The following SYNPO2L variants were observed in gnomAD, a reference collection of about 807,000 sequenced individuals.
SYNPO2L encodes synaptopodin 2-like protein.
A neutral mutation model predicts 47.5 loss-of-function variants in SYNPO2L; 34 were observed. The observed-to-expected ratio is 0.72, with a 90% CI of 0.54 to 0.95. The LOEUF (loss-of-function observed/expected upper bound fraction) is 0.95. Ranked by LOEUF, SYNPO2L falls within the 40% of genes least tolerant of loss-of-function variation. SYNPO2L has a pLI of 0.00. For synonymous variants in SYNPO2L, 536 were observed against 524.9 expected (o/e 1.02, Z -0.29); for missense variants, 1,246 against 1,282.0 (o/e 0.97, Z 0.43).
Position 73,648,343 on chromosome 10 carries a change from G to A in SYNPO2L, c.1309C>T (p.Pro437Ser). Residue 437 changes from proline to serine, a missense_variant, in exon 4 of 4, where the codon CCC (proline) becomes TCC (serine). Transcript: ENST00000394810. The stretch of plus-strand genomic sequence containing the variant: ...GCTACAGGCGCCGGCAAGGGGCTGG[G>A]TGGGAGCACAGCTGCCTCTGGGGGA... The part of the protein sequence containing the change: ...SAPPEAAVLP[P>S]SPLPAPVASP... 1 of 1,605,222 alleles carries A rather than the reference G, an allele frequency of 6.2e-7. No homozygotes were observed. Among genetic ancestry groups the A allele is most frequent in the Non-Finnish European group, 8.5e-7 (1 of 1,178,984 alleles).
Position 73,647,481 on chromosome 10 carries a change from G to C in SYNPO2L, c.2171C>G (p.Pro724Arg). Residue 724 changes from proline to arginine, a missense_variant, in exon 4 of 4, where the codon CCA becomes CGA. By Grantham distance (103) the Pro-to-Arg change is moderately radical. This residue lies in a region of SYNPO2L where 1,037 missense variants were observed against 1,021.5 expected (regional missense o/e 1.02). Coordinates refer to ENST00000394810, the MANE Select transcript of SYNPO2L (RefSeq NM_001114133.3). ...PPPMTPKTPP[P>R]VAPKPPSRGL... ...TCGAGATGGGGGCTTAGGAGCCACT[G>C]GGGGTGGAGTCTTAGGAGTCATAGG... The C allele has an allele frequency of 6.3e-7, 1 of 1,593,004 alleles. No individual in the cohort carries two copies. The highest frequency in any genetic ancestry group is 8.6e-7 in the Non-Finnish European group (1 of 1,167,274).
chr10:73,645,727 G>T lies in SYNPO2L; in HGVS notation c.*991C>A. ...ACCTGCTACAGACATTGGTCTCTAA[G>T]GAGTTATTCTCTAGTGAATCTCTTT... On this transcript the variant is annotated 3_prime_UTR_variant, in exon 4 of 4. Transcript: ENST00000394810. 1.0e-6 allele frequency: 1 copy of T among 985,874 alleles called. No homozygotes were observed. The highest frequency in any genetic ancestry group is 1.2e-6 in the Non-Finnish European group (1 of 830,000). The allele number at this position is 985,874 out of a possible 1,614,324, so 61.1% of individuals were successfully genotyped here. A position where few individuals can be genotyped will look rare whatever the true frequency, so the allele number is the denominator to read the frequency against.
Position 73,653,267 on chromosome 10 carries a change from G to C in SYNPO2L, c.644C>G (p.Ala215Gly). Residue 215 changes from alanine to glycine, a missense_variant, in exon 3 of 4, where the codon GCT (alanine) becomes GGT (glycine). By Grantham distance (60) the Ala-to-Gly change is moderately conservative. Transcript: ENST00000394810. ...GCCATGGGGTAACAGCAGAGCCTCA[G>C]CTGGGGGTGGCTGAAGGGCTGCCCC... is the stretch of plus-strand genomic sequence containing the variant. ...EDGAALQPPP[A>G]EALLLPHGPL... The C allele has an allele frequency of 6.5e-7, 1 of 1,549,244 alleles. No homozygotes were observed. The highest frequency in any genetic ancestry group is 8.7e-7 in the Non-Finnish European group (1 of 1,145,688).
Position 73,655,896 on chromosome 10 carries a change from G to A in SYNPO2L, c.27C>T (p.Val9=), listed in dbSNP as rs371282331. MGAEEEVL[V]TLSGGAPWGF... The stretch of plus-strand genomic sequence containing the variant: ...CCCAGGGGGCTCCCCCTGATAGTGT[G>A]ACCAGCACCTCCTCCTCAGCACCCA... The change falls in exon 1 of 4, where the codon GTC becomes GTT. Residue 9 remains valine, a synonymous_variant. Transcript: ENST00000394810. 1 of 1,551,084 alleles carries A rather than the reference G, an allele frequency of 6.4e-7. No individual in the cohort carries two copies. The highest frequency in any genetic ancestry group is 1.4e-5 in the African/African-American group (1 of 72,840).
At position 73,647,917 on chromosome 10, in the gene SYNPO2L, T is replaced by C; in HGVS notation, c.1735A>G (p.Thr579Ala). Residue 579 changes from threonine (T) to alanine (A), a missense_variant, in exon 4 of 4, where the codon ACC becomes GCC. Thr to Ala is a moderately conservative substitution (Grantham distance 58, BLOSUM62 0). This residue lies in a region of SYNPO2L where 1,037 missense variants were observed against 1,021.5 expected (regional missense o/e 1.02). Transcript: ENST00000394810. ...GGCGCAGATAGGAAGATAGAAGCGGTGGAGGTCATGGCAGCTGCGCTAGGA... is the reference window on the plus strand; with the variant it reads ...GGCGCAGATAGGAAGATAGAAGCGGCGGAGGTCATGGCAGCTGCGCTAGGA... ...APPSAAAMTS[T>A]ASIFLSAPLR... The C allele has an allele frequency of 1.3e-6, 2 of 1,528,080 alleles. No homozygotes were observed. Among genetic ancestry groups the C allele is most frequent in the Non-Finnish European group, 1.8e-6 (2 of 1,141,206 alleles). 94.7% of individuals were successfully genotyped at this position (1,528,080 alleles called of 1,614,324 possible). A position where few individuals can be genotyped will look rare whatever the true frequency, so the allele number is the denominator to read the frequency against.
chr10:73,650,935 G>A, intron 3 of SYNPO2L: 1 of 1,613,772 alleles, frequency 6.2e-7, no homozygotes, highest in East Asian at 2.2e-5. Flanking sequence ...TGGAGCTCAG[G>A]AACTGGGTCT....
Position 73,654,173 on chromosome 10 carries a change from G to A in SYNPO2L, c.213C>T (p.Ser71=), listed in dbSNP as rs754693328. 24 of 1,551,676 alleles carry A rather than the reference G, an allele frequency of 1.5e-5. No homozygotes were observed. Among genetic ancestry groups the A allele is most frequent in the African/African-American group, 1.4e-5 (1 of 73,154 alleles). ...CTNLSHASAM[S]LIDASGNQLV... is the part of the protein sequence containing the mutation. ...GCTGATTTCCTGAGGCATCGATGAG[G>A]CTCATGGCACTGGCATGGGAGAGGT... Residue 71 remains serine (S), a synonymous_variant, in exon 2 of 4, where the codon AGC becomes AGT. Transcript: ENST00000394810.
Position 73,646,856 on chromosome 10 carries a change from TG to T in SYNPO2L, c.2795del (p.Pro932GlnfsTer22). The T allele has an allele frequency of 6.4e-7, 1 of 1,555,710 alleles. No individual in the cohort carries two copies. Among genetic ancestry groups the T allele is most frequent in the Non-Finnish European group, 8.7e-7 (1 of 1,151,184 alleles). Reference protein sequence around the residue: ...TELASAPVPSPAPPPEAPRGL... With the variant: ...TELASAPVPSXAPPPEAPRGL... ...CCCTGGGAGCCTCTGGAGGAGGGGCTGGGCTAGGAACAGGGGCTGAGGCCAG... is the reference window on the plus strand; with the variant it reads ...CCCTGGGAGCCTCTGGAGGAGGGGCTGGCTAGGAACAGGGGCTGAGGCCAG... On this transcript the variant is annotated frameshift_variant, in exon 4 of 4. Coordinates refer to ENST00000394810, the MANE Select transcript of SYNPO2L (RefSeq NM_001114133.3). LOFTEE classifies it high-confidence loss of function.
chr10:73,653,051 A>G, intron 3 of SYNPO2L, 88 bp downstream of exon 3: 1 of 1,395,318 alleles, frequency 7.2e-7, no homozygotes, highest in Non-Finnish European at 9.4e-7. Flanking sequence ...AAGGGTCCCA[A>G]GGTAGGGAGA....
In SYNPO2L at chr10:73,653,341, G is replaced by A; in HGVS notation, c.570C>T (p.Gly190=). 6.4e-7 allele frequency: 1 copy of A among 1,551,572 alleles called. No homozygotes were observed. The highest frequency in any genetic ancestry group is 1.4e-5 in the African/African-American group (1 of 73,180). ...CACGGCTGTCACCCTGGCTGGGAGG[G>A]CCAGGGATAGTAGGTGCTGGCTCTG... The part of the protein sequence containing the change: ...SPAEPAPTIP[G]PPSQGDSRVS... The change falls in exon 3 of 4, where the codon GGC becomes GGT. Residue 190 remains glycine (G), a synonymous_variant. Coordinates refer to ENST00000394810, the MANE Select transcript of SYNPO2L (RefSeq NM_001114133.3).
At position 73,648,050 on chromosome 10, in the gene SYNPO2L, G is replaced by A; in HGVS notation, c.1602C>T (p.Ser534=). ...GVPSHAPVSG[S]PSTPRSSGPV... ...GGCCCGAGGAGCGTGGGGTGCTGGG[G>A]GAACCAGAGACTGGCGCGTGGCTGG... The change falls in exon 4 of 4, where the codon TCC becomes TCT. Residue 534 remains serine (S), a synonymous_variant. Coordinates refer to ENST00000394810, the MANE Select transcript of SYNPO2L (RefSeq NM_001114133.3). 6.3e-7 allele frequency: 1 copy of A among 1,592,260 alleles called. No homozygotes were observed. Among genetic ancestry groups the A allele is most frequent in the African/African-American group, 1.3e-5 (1 of 74,604 alleles).
chr10:73,653,040 C>T, intron 3 of SYNPO2L, 99 bp downstream of exon 3: 1 of 1,365,066 alleles, frequency 7.3e-7, no homozygotes, highest in Non-Finnish European at 9.6e-7. Context: ...AGACTGTATC[C>T]AAGGGTCCCA....
chr10:73,648,997 A>ATGTCCC, intron 3 of SYNPO2L, 118 bp from the exon 4 acceptor site: 1 of 1,336,980 alleles, frequency 7.5e-7, no homozygotes, highest in Non-Finnish European at 9.5e-7. Flanking sequence ...CCGACCCACA[A>ATGTCCC]TGTCCCCTGT....
intron 2 of SYNPO2L, 85 bp from the exon 3 acceptor site, chr10:73,653,738 AG>A (rs1259979341): frequency 1.0e-5 from 15 of 1,432,532 alleles, no homozygotes; most frequent in Non-Finnish European, 1.2e-5. Context: ...GGAAGAGGTA[AG>A]GGGGAGGGAA....
chr10:73,647,948 G>A lies in SYNPO2L; in HGVS notation c.1704C>T (p.Pro568=). 2.6e-6 allele frequency: 4 copies of A among 1,530,942 alleles called. No individual in the cohort carries two copies. The highest frequency in any genetic ancestry group is 3.5e-6 in the Non-Finnish European group (4 of 1,141,858). 94.8% of individuals were successfully genotyped at this position (1,530,942 alleles called of 1,614,324 possible). Residue 568 remains proline (P), a synonymous_variant, in exon 4 of 4, where the codon CCC becomes CCT. Coordinates refer to ENST00000394810, the MANE Select transcript of SYNPO2L (RefSeq NM_001114133.3). ...PVTPGGAPEP[P]APPSAAAMTS... is the part of the protein sequence containing the mutation. ...TCATGGCAGCTGCGCTAGGAGGAGCGGGGGGCTCTGGAGCTCCACCTGGGG... is the reference window on the plus strand; with the variant it reads ...TCATGGCAGCTGCGCTAGGAGGAGCAGGGGGCTCTGGAGCTCCACCTGGGG...
chr10:73,655,115 G>T lies in SYNPO2L; in HGVS notation c.105+703C>A, dbSNP rs150073535. On this transcript the variant is annotated intron_variant, in intron 1 of 3. Transcript: ENST00000394810. ...AGTAGTAGTGGCTACCATTTATTGA[G>T]TTCTTACTAAGTGTTGGGCACTGTG... 4.2e-3 allele frequency among the ~76,000 whole-genome samples: 632 copies of T among 152,288 alleles called. 1 individual carries two copies. The highest frequency in any genetic ancestry group is 0.015 in the African/African-American group (603 of 41,540).
At chr10:73,654,983 C>G (rs967705003) in intron 1 of SYNPO2L, among the ~76,000 whole-genome samples, 3 of 152,292 alleles carry the variant, frequency 2.0e-5, no homozygotes, top group Middle Eastern at 3.4e-3. Context: ...GATTTTAGAA[C>G]AGTACTCCAG....
chr10:73,646,019 T>C lies in SYNPO2L; in HGVS notation c.*699A>G. ...TTTTGTATTTTTAGTGGAAATGGGG[T>C]TTCACCGTGTTAGCCAGGATGGTCT... On this transcript the variant is annotated 3_prime_UTR_variant, in exon 4 of 4. Transcript: ENST00000394810. 1.1e-6 allele frequency: 1 copy of C among 927,892 alleles called. No individual in the cohort carries two copies. Among genetic ancestry groups the C allele is most frequent in the Non-Finnish European group, 1.3e-6 (1 of 777,310 alleles). 57.5% of individuals were successfully genotyped at this position (927,892 alleles called of 1,614,324 possible).
Position 73,648,583 on chromosome 10 carries a change from G to A in SYNPO2L, c.1069C>T (p.Leu357=), listed in dbSNP as rs1023534503. ...CCCGCCCTGGCAAGCTCCATGTCCA[G>A]ATAGGGACTGTCCCAGTCAGATTGA... ...TNQSDWDSPY[L]DMELARAGSR... Residue 357 remains leucine (L), a synonymous_variant, in exon 4 of 4, where the codon CTG becomes TTG. Transcript: ENST00000394810. 1 of 1,614,076 alleles carries A rather than the reference G, an allele frequency of 6.2e-7. No homozygotes were observed. Among genetic ancestry groups the A allele is most frequent in the African/African-American group, 1.3e-5 (1 of 74,940 alleles).
Sources: allele counts gnomAD v4.1 joint callset (sites outside exome capture counted in the v4.1 genomes callset), GRCh38; gene constraint gnomAD v4.1.1; regional missense constraint gnomAD v4.1.1; transcripts MANE v1.5; gene names NCBI Gene and HGNC (gene_info 2026-07-23, HGNC 2026-07-21).